Variants in CSTPP1 observed in about 807,000 individuals in gnomAD.
The protein encoded by CSTPP1 is UPF0705 protein C11orf49.
At chr11:46,966,895 G>A in the CSTPP1 span, among the ~76,000 whole-genome samples, 71 of 152,044 alleles carry the variant, frequency 4.7e-4, 1 homozygote, top group Non-Finnish European at 3.4e-4. Flanking sequence ...CTGTTTTCTC[G>A]CAGTTCTGGA....
At chr11:47,054,222 A>G in the CSTPP1 span, among the ~76,000 whole-genome samples, 1 of 149,596 alleles carries the variant, frequency 6.7e-6, no homozygotes, top group Non-Finnish European at 1.5e-5. Context: ...GAGGCAGGAG[A>G]ATGGTGTGAA....
chr11:47,115,062 G>A, the CSTPP1 span, among the ~76,000 whole-genome samples: 3 of 152,160 alleles, frequency 2.0e-5, no homozygotes, highest in Non-Finnish European at 4.4e-5. Flanking sequence ...TTTTGTCAAG[G>A]CCTTTTCTGC....
the CSTPP1 span, among the ~76,000 whole-genome samples, chr11:46,993,207 A>G: frequency 4.0e-4 from 61 of 152,194 alleles, 3 homozygotes; most frequent in African/African-American, 1.4e-3. Flanking sequence ...CTCTGATGGT[A>G]GTTTCTTTTG....
the CSTPP1 span, among the ~76,000 whole-genome samples, chr11:47,011,549 T>G: frequency 1.3e-5 from 2 of 152,136 alleles, no homozygotes. Context: ...TTCTTGAGAG[T>G]GATATGAAGA....
chr11:47,164,131 A>C, the CSTPP1 span: 1 of 1,613,842 alleles, frequency 6.2e-7, no homozygotes, highest in Non-Finnish European at 8.5e-7. Context: ...TCACGGCAGC[A>C]CAGAGCCAAG....
the CSTPP1 span, chr11:47,155,948 C>T: frequency 6.6e-6 from 1 of 152,266 alleles, no homozygotes. Context: ...TAAATATACA[C>T]CAGCTCACGC....
At chr11:47,150,883 G>GTTT in the CSTPP1 span, among the ~76,000 whole-genome samples, 2 of 60,522 alleles carry the variant, frequency 3.3e-5, no homozygotes, top group African/African-American at 1.0e-4. Context: ...GACTGTGAAG[G>GTTT]TTTTTTTTTT....
the CSTPP1 span, chr11:47,041,165 A>G: frequency 4.7e-6 from 1 of 213,252 alleles, no homozygotes; most frequent in Non-Finnish European, 1.0e-5. Context: ...TGGTTCAGAT[A>G]CTTGGCCTGG....
the CSTPP1 span, among the ~76,000 whole-genome samples, chr11:46,977,950 A>G: frequency 6.6e-6 from 1 of 152,372 alleles, no homozygotes; most frequent in Admixed American, 6.5e-5. Context: ...AGTGGCTTCC[A>G]GTAAGAACAC....
chr11:46,989,794 C>T, the CSTPP1 span, among the ~76,000 whole-genome samples: 1 of 152,268 alleles, frequency 6.6e-6, no homozygotes, highest in East Asian at 1.9e-4. Context: ...CCCATTACCC[C>T]TCTCCCTTCT....
At chr11:46,981,063 A>T in the CSTPP1 span, among the ~76,000 whole-genome samples, 115,381 of 151,902 alleles carry the variant, frequency 0.76, 44,543 homozygotes, top group African/African-American at 0.84. Context: ...CATCTTGAGG[A>T]ATCTACCTTA....
the CSTPP1 span, among the ~76,000 whole-genome samples, chr11:46,947,742 T>TAA: frequency 2.0e-5 from 3 of 152,186 alleles, no homozygotes; most frequent in African/African-American, 7.2e-5. Flanking sequence ...AGCCCCGAGA[T>TAA]TACAGGTAAT....
the CSTPP1 span, among the ~76,000 whole-genome samples, chr11:46,941,311 A>G: frequency 6.6e-6 from 1 of 152,112 alleles, no homozygotes; most frequent in African/African-American, 2.4e-5. Context: ...TCTTAGAGGC[A>G]TGCTGCTTTG....
the CSTPP1 span, chr11:47,023,464 T>C: frequency 2.0e-5 from 3 of 152,388 alleles, no homozygotes; most frequent in Non-Finnish European, 2.9e-5. Context: ...AAATTGACTA[T>C]TTTAACTATT....
At chr11:47,155,095 C>A in the CSTPP1 span, 1 of 922,796 alleles carries the variant, frequency 1.1e-6, no homozygotes, top group Non-Finnish European at 1.7e-6. Flanking sequence ...CGCACTTTTC[C>A]CTTCCTCCCT....
At chr11:47,045,330 A>G in the CSTPP1 span, among the ~76,000 whole-genome samples, 1 of 151,876 alleles carries the variant, frequency 6.6e-6, no homozygotes, top group Non-Finnish European at 1.5e-5. Flanking sequence ...CAATTCAAAA[A>G]AAGCTTTGAA....
At chr11:47,111,015 G>C in the CSTPP1 span, among the ~76,000 whole-genome samples, 1 of 150,632 alleles carries the variant, frequency 6.6e-6, no homozygotes, top group African/African-American at 2.4e-5. Context: ...TCAGCCTCCC[G>C]AGTAGCTGGG....
At chr11:47,022,036 T>G in the CSTPP1 span, among the ~76,000 whole-genome samples, 4 of 139,428 alleles carry the variant, frequency 2.9e-5, no homozygotes, top group African/African-American at 1.0e-4. Flanking sequence ...ACATATATGG[T>G]TTTTTTTTTT....
chr11:47,054,106 G>A, the CSTPP1 span, among the ~76,000 whole-genome samples: 1 of 150,604 alleles, frequency 6.6e-6, no homozygotes, highest in Admixed American at 6.6e-5. Flanking sequence ...TCAGGAGATC[G>A]AGACCATCCT....
Sources: allele counts gnomAD v4.1 joint callset (sites outside exome capture counted in the v4.1 genomes callset), GRCh38; gene constraint gnomAD v4.1.1; transcripts MANE v1.5; gene names NCBI Gene and HGNC (gene_info 2026-07-23, HGNC 2026-07-21).